Variants in KLF8 observed in about 807,000 individuals in gnomAD.
KLF8 encodes the protein KLF transcription factor 8.
In KLF8, 10 loss-of-function variants were observed where a neutral mutation model predicts 18.2. That is an observed-to-expected ratio of 0.55 (90% confidence interval 0.34 to 0.93). The LOEUF is 0.93. Ranked by LOEUF, KLF8 falls within the 40% of genes least tolerant of loss-of-function variation. The pLI is 0.02. For synonymous variants in KLF8, 109 were observed against 97.3 expected (o/e 1.12, Z -0.71); for missense variants, 264 against 277.9 (o/e 0.95, Z 0.36).
At chrX:56,206,838 C>T in the KLF8 span, among the ~76,000 whole-genome samples, 2 of 112,848 alleles carry the variant, frequency 1.8e-5, no homozygotes, top group African/African-American at 6.4e-5. Flanking sequence ...TCCACACTGC[C>T]CTAGCAGAGT....
At chrX:56,107,772 T>C in the KLF8 span, among the ~76,000 whole-genome samples, 9 of 110,906 alleles carry the variant, frequency 8.1e-5, no homozygotes, top group Non-Finnish European at 1.1e-4. Flanking sequence ...GGTACCTCAG[T>C]TGGAAATGCA....
At chrX:55,925,131 G>A in the KLF8 span, among the ~76,000 whole-genome samples, 16,557 of 101,060 alleles carry the variant, frequency 0.16, 3,233 homozygotes, top group African/African-American at 0.53. Context: ...AAAGTGTTGG[G>A]ATTGCAGGCG....
the KLF8 span, among the ~76,000 whole-genome samples, chrX:55,988,460 T>C: frequency 8.9e-6 from 1 of 112,270 alleles, no homozygotes; most frequent in Non-Finnish European, 1.9e-5. Context: ...AAATAAGGAA[T>C]CCTTTCCCCA....
the KLF8 span, among the ~76,000 whole-genome samples, chrX:56,177,491 G>A: frequency 1.8e-5 from 2 of 110,831 alleles, no homozygotes; most frequent in African/African-American, 6.6e-5. Context: ...ACCCGGCCAT[G>A]TGAGGTGTCC....
intron 5 of KLF8, among the ~76,000 whole-genome samples, chrX:56,271,677 A>G (rs1392371269): frequency 9.0e-6 from 1 of 111,565 alleles, no homozygotes; most frequent in African/African-American, 3.3e-5. Context: ...TTAGTGATGT[A>G]TTTGTTTGCT....
the KLF8 span, among the ~76,000 whole-genome samples, chrX:56,127,346 C>T: frequency 1.8e-5 from 2 of 111,161 alleles, no homozygotes; most frequent in South Asian, 3.8e-4. Context: ...GAACTCCAGC[C>T]TCCACTACAG....
At chrX:56,192,693 CA>C in the KLF8 span, among the ~76,000 whole-genome samples, 1 of 111,815 alleles carries the variant, frequency 8.9e-6, no homozygotes, top group African/African-American at 3.2e-5. Flanking sequence ...ACAAAGGTGC[CA>C]ATAACATAAA....
chrX:56,170,785 G>A, the KLF8 span, among the ~76,000 whole-genome samples: 3 of 111,240 alleles, frequency 2.7e-5, no homozygotes, highest in African/African-American at 9.8e-5. Context: ...AAATAACAGA[G>A]AACTTCCCTA....
chrX:56,234,639 A>G (rs2147555392), intron 1 of KLF8, among the ~76,000 whole-genome samples: 1 of 112,682 alleles, frequency 8.9e-6, no homozygotes, highest in African/African-American at 3.2e-5. Flanking sequence ...AGACTTCATC[A>G]CTTCTGAAAG....
the KLF8 span, among the ~76,000 whole-genome samples, chrX:55,950,973 A>G: frequency 6.4e-4 from 71 of 111,792 alleles, no homozygotes; most frequent in South Asian, 0.026. Context: ...TGACACTGCC[A>G]TTGGCCTTTA....
chrX:56,139,316 T>A, the KLF8 span, among the ~76,000 whole-genome samples: 50 of 111,669 alleles, frequency 4.5e-4, no homozygotes, highest in African/African-American at 1.6e-3. Flanking sequence ...AAAATTCACA[T>A]GAAACCAGAA....
the KLF8 span, among the ~76,000 whole-genome samples, chrX:56,158,539 A>T: frequency 9.0e-6 from 1 of 111,531 alleles, no homozygotes; most frequent in Non-Finnish European, 1.9e-5. Context: ...ATGTTCTTCC[A>T]TTTGTTTGTA....
chrX:56,123,459 G>T, the KLF8 span, among the ~76,000 whole-genome samples: 1 of 111,477 alleles, frequency 9.0e-6, no homozygotes, highest in Non-Finnish European at 1.9e-5. Context: ...GAGGACTTGG[G>T]CAGAGGGCAC....
chrX:56,281,579 T>C lies in KLF8; in HGVS notation c.899-2734T>C, dbSNP rs757443998. ...GTGCACCATCACACCCGGCTAATTT[T>C]TGTGTTTTTAGTAGAGACGGGGTTT... On this transcript the variant is annotated intron_variant, in intron 5 of 5. Coordinates refer to ENST00000468660, the MANE Select transcript of KLF8 (RefSeq NM_007250.5). Among the ~76,000 whole-genome samples, 13 of 110,982 alleles carry C rather than the reference T, an allele frequency of 1.2e-4. No individual in the cohort carries two copies. In the East Asian group the frequency reaches 3.7e-3, roughly 31 times the overall value.
intron 5 of KLF8, among the ~76,000 whole-genome samples, chrX:56,279,147 G>T (rs960906662): frequency 1.8e-5 from 2 of 110,875 alleles, no homozygotes; most frequent in Non-Finnish European, 3.8e-5. Context: ...CTGATTTTTC[G>T]TTCTTTTTTT....
chrX:56,041,667 TTTGTTGTTGTTGTTGTTG>T, the KLF8 span, among the ~76,000 whole-genome samples: 26 of 96,425 alleles, frequency 2.7e-4, no homozygotes, highest in Non-Finnish European at 5.0e-4. Flanking sequence ...TCTCTCTAGT[TTTGTTGTTGTTGTTGTTG>T]TTGTTGTTGT....
the KLF8 span, among the ~76,000 whole-genome samples, chrX:56,193,329 G>T: frequency 1.8e-5 from 2 of 111,943 alleles, no homozygotes; most frequent in African/African-American, 6.5e-5. Context: ...ACAAATGTTG[G>T]CAAAGACGCA....
the KLF8 span, among the ~76,000 whole-genome samples, chrX:56,180,019 G>T: frequency 9.0e-6 from 1 of 111,402 alleles, no homozygotes; most frequent in East Asian, 2.8e-4. Context: ...ATGAGTTAGG[G>T]AGGATTCCCT....
chrX:56,254,404 C>CG (rs747183316), intron 2 of KLF8, among the ~76,000 whole-genome samples: 4 of 111,258 alleles, frequency 3.6e-5, no homozygotes, highest in African/African-American at 1.3e-4. Context: ...CAGCAGAGTC[C>CG]GGGGGGCGGG....
Sources: gnomAD v4.1 joint callset for allele counts (sites outside exome capture counted in the v4.1 genomes callset) on GRCh38, gnomAD v4.1.1 for gene constraint, MANE v1.5 for transcripts, NCBI Gene and HGNC (gene_info 2026-07-23, HGNC 2026-07-21) for gene names.